Variants in ABI3BP observed in about 807,000 individuals in gnomAD.
ABI3BP encodes ABI family member 3 binding protein.
ABI3BP carries 216 observed loss-of-function variants against 268.6 expected under a neutral mutation model. The observed-to-expected ratio is 0.80, with a 90% CI of 0.72 to 0.90. The LOEUF (loss-of-function observed/expected upper bound fraction) is 0.90, where lower values mean the gene tolerates loss of function less well. Ranked by LOEUF, ABI3BP falls within the 40% of genes least tolerant of loss-of-function variation. The probability of loss-of-function intolerance (pLI) is 0.00; values close to 1 mark genes in which losing one functional copy is unlikely to be tolerated. For missense variants in ABI3BP, 2,090 were observed against 2,182.4 expected, an observed-to-expected ratio of 0.96 and a Z score of 0.84; for synonymous variants, 730 against 730.0, an observed-to-expected ratio of 1.00 and a Z score of 0.00.
intron 1 of ABI3BP, among the ~76,000 whole-genome samples, chr3:100,958,071 A>T (rs2077429305): frequency 6.6e-6 from 1 of 152,222 alleles, no homozygotes; most frequent in Non-Finnish European, 1.5e-5. Flanking sequence ...TAGAAAGTGG[A>T]CACTATCAAA....
At chr3:100,752,686 C>G in intron 66 of ABI3BP, 101 bp downstream of exon 66, 7 of 1,259,542 alleles carry the variant, frequency 5.6e-6, no homozygotes, top group South Asian at 1.5e-5. Context: ...TTTACAGCAC[C>G]CATTCGTGCC....
intron 63 of ABI3BP, among the ~76,000 whole-genome samples, chr3:100,761,320 A>G (rs1053136595): frequency 6.6e-6 from 1 of 152,140 alleles, no homozygotes; most frequent in Non-Finnish European, 1.5e-5. Flanking sequence ...GCATCATTTG[A>G]CTAAAACAAT....
rs1465180081 is a variant in ABI3BP at position 100,898,854 on chromosome 3, G to C, written c.369C>G (p.Gly123=). 6.2e-7 allele frequency: 1 copy of C among 1,613,328 alleles called. No homozygotes were observed. Among genetic ancestry groups the C allele is most frequent in the Non-Finnish European group, 8.5e-7 (1 of 1,179,668 alleles). Residue 123 remains glycine, a synonymous_variant, in exon 4 of 68, where the codon GGC becomes GGG. Coordinates refer to ENST00000471714, the MANE Select transcript of ABI3BP (RefSeq NM_001375547.2). ...GGAAGACCGAGCTCGGTGTCAGAGT[G>C]CCAACCACCAGCTGCAGAGGTTTGC... ...RSRKPLQLVV[G]TLTPSSVFLS... is the part of the protein sequence containing the mutation.
chr3:100,879,100 G>C (rs1244182090), intron 6 of ABI3BP, among the ~76,000 whole-genome samples: 1 of 152,164 alleles, frequency 6.6e-6, no homozygotes, highest in African/African-American at 2.4e-5. Flanking sequence ...CTGTGCGATA[G>C]CACTCTAAAG....
intron 1 of ABI3BP, among the ~76,000 whole-genome samples, chr3:100,944,976 A>G (rs979491033): frequency 1.2e-4 from 19 of 152,104 alleles, no homozygotes; most frequent in Non-Finnish European, 2.9e-5. Flanking sequence ...AGGGGTTCTG[A>G]GATCAACTTG....
intron 1 of ABI3BP, among the ~76,000 whole-genome samples, chr3:100,933,174 A>G (rs1001482788): frequency 6.6e-5 from 10 of 152,012 alleles, no homozygotes; most frequent in Non-Finnish European, 1.5e-4. Context: ...AGCAACAATT[A>G]TTATTTTATG....
chr3:100,914,013 G>A (rs371176832), intron 2 of ABI3BP, among the ~76,000 whole-genome samples: 8 of 152,250 alleles, frequency 5.3e-5, no homozygotes, highest in African/African-American at 1.7e-4. Context: ...TGAAGCCCGA[G>A]GCTTTGCAGG....
chr3:100,797,497 A>G (rs1167109764), intron 51 of ABI3BP, among the ~76,000 whole-genome samples: 1 of 147,634 alleles, frequency 6.8e-6, no homozygotes, highest in Admixed American at 6.7e-5. Context: ...TGCATCTTAT[A>G]TAATGCTGGA....
chr3:100,799,759 TTTC>T (rs1164218942), intron 51 of ABI3BP, among the ~76,000 whole-genome samples: 1 of 152,170 alleles, frequency 6.6e-6, no homozygotes, highest in Non-Finnish European at 1.5e-5. Flanking sequence ...GGATTTCCGG[TTTC>T]TTATTTTCTC....
intron 1 of ABI3BP, among the ~76,000 whole-genome samples, chr3:100,978,694 C>T (rs913015434): frequency 1.2e-4 from 19 of 152,158 alleles, no homozygotes; most frequent in African/African-American, 3.9e-4. Context: ...ATATATTCAA[C>T]AACAGAAAGC....
chr3:100,754,547 C>A (rs747137699), intron 64 of ABI3BP, 65 bp downstream of exon 64: 3 of 1,457,568 alleles, frequency 2.1e-6, no homozygotes, highest in African/African-American at 1.4e-5. Context: ...AAACTTCCTA[C>A]GCAAAACATT....
At chr3:100,944,025 A>G (rs995209966) in intron 1 of ABI3BP, among the ~76,000 whole-genome samples, 1 of 152,090 alleles carries the variant, frequency 6.6e-6, no homozygotes, top group Non-Finnish European at 1.5e-5. Flanking sequence ...CGCAGATAAA[A>G]CCATATAATG....
chr3:100,811,130 G>T, intron 48 of ABI3BP, 100 bp downstream of exon 48: 2 of 949,168 alleles, frequency 2.1e-6, no homozygotes, highest in African/African-American at 1.7e-5. Context: ...GAAGAGTGAC[G>T]GTGTAACATG....
chr3:100,801,054 G>A (rs1232194778), intron 51 of ABI3BP, among the ~76,000 whole-genome samples: 1 of 151,828 alleles, frequency 6.6e-6, no homozygotes, highest in Non-Finnish European at 1.5e-5. Context: ...TTTTAATCCT[G>A]ATTTTATCCC....
At chr3:100,799,632 C>T (rs2097461346) in intron 51 of ABI3BP, among the ~76,000 whole-genome samples, 1 of 152,122 alleles carries the variant, frequency 6.6e-6, no homozygotes, top group Non-Finnish European at 1.5e-5. Context: ...CTTCTTAGGC[C>T]TTTTCCTGCC....
At position 100,811,798 on chromosome 3, in the gene ABI3BP, TGC is replaced by T; in HGVS notation, c.3422-1_3422del. The stretch of plus-strand genomic sequence containing the variant: ...GATATACATAGTCTGTTTTGGCTGG[TGC>T]TAGGGAAGAAACGGGAATGGCTGGT... On this transcript the variant is annotated splice_acceptor_variant and coding_sequence_variant, in exon 47 of 68. Coordinates refer to ENST00000471714, the MANE Select transcript of ABI3BP (RefSeq NM_001375547.2). LOFTEE classifies it high-confidence loss of function. The T allele has an allele frequency of 6.5e-7, 1 of 1,535,428 alleles. No individual in the cohort carries two copies. Among genetic ancestry groups the T allele is most frequent in the Non-Finnish European group, 8.7e-7 (1 of 1,146,412 alleles).
intron 1 of ABI3BP, among the ~76,000 whole-genome samples, chr3:100,960,986 C>T (rs886790969): frequency 2.0e-5 from 3 of 152,184 alleles, no homozygotes; most frequent in African/African-American, 2.4e-5. Context: ...GACTTCTGAC[C>T]TACAGAGCTG....
At chr3:100,846,869 A>T (rs2098775306) in intron 19 of ABI3BP, among the ~76,000 whole-genome samples, 1 of 152,180 alleles carries the variant, frequency 6.6e-6, no homozygotes, top group African/African-American at 2.4e-5. Context: ...TATGTGCAGG[A>T]TGTACAGGTT....
intron 6 of ABI3BP, among the ~76,000 whole-genome samples, chr3:100,880,742 A>T (rs914976970): frequency 1.3e-5 from 2 of 152,180 alleles, no homozygotes; most frequent in Non-Finnish European, 2.9e-5. Context: ...ATGACAAGGA[A>T]CTTGCGTCTC....
Sources: gnomAD v4.1 joint callset for allele counts (sites outside exome capture counted in the v4.1 genomes callset) on GRCh38, gnomAD v4.1.1 for gene constraint, MANE v1.5 for transcripts, NCBI Gene and HGNC (gene_info 2026-07-23, HGNC 2026-07-21) for gene names.